The following VKORC1L1 variants were observed in gnomAD, a reference collection of about 807,000 sequenced individuals.
VKORC1L1 encodes vitamin K epoxide reductase complex subunit 1-like protein 1.
VKORC1L1 carries 2 observed loss-of-function variants against 18.9 expected under a neutral mutation model. The observed-to-expected ratio is 0.11, with a 90% CI of 0.04 to 0.33. The LOEUF (loss-of-function observed/expected upper bound fraction) is 0.33. Ranked by LOEUF, VKORC1L1 falls within the 10% of genes least tolerant of loss-of-function variation. VKORC1L1 has a pLI of 1.00. For missense variants in VKORC1L1, 123 were observed against 224.1 expected (o/e 0.55, Z 2.88); for synonymous variants, 96 against 100.0 (o/e 0.96, Z 0.24).
chr7:65,871,817 C>A (rs1426176981), upstream of VKORC1L1, among the ~76,000 whole-genome samples: 1 of 151,896 alleles, frequency 6.6e-6, no homozygotes, highest in Non-Finnish European at 1.5e-5. Context: ...TCATGAGAGC[C>A]TGAGCCAGAG....
intron 1 of VKORC1L1, among the ~76,000 whole-genome samples, chr7:65,894,009 C>T (rs773959914): frequency 6.6e-6 from 1 of 151,650 alleles, no homozygotes; most frequent in Non-Finnish European, 1.5e-5. Flanking sequence ...GGCTGGAGTG[C>T]AATGGTGCGA....
chr7:65,878,449 C>G (rs1320543144), intron 1 of VKORC1L1, among the ~76,000 whole-genome samples: 1 of 137,830 alleles, frequency 7.3e-6, no homozygotes, highest in Non-Finnish European at 1.6e-5. Context: ...CTCTGTCTTA[C>G]AAAAAAAAAA....
chr7:65,875,037 T>C (rs1788802711), intron 1 of VKORC1L1, among the ~76,000 whole-genome samples: 1 of 152,162 alleles, frequency 6.6e-6, no homozygotes, highest in African/African-American at 2.4e-5. Flanking sequence ...TGACTGAAAG[T>C]GATGTTTCAT....
At chr7:65,905,952 C>T (rs541766623) in intron 1 of VKORC1L1, among the ~76,000 whole-genome samples, 5 of 152,200 alleles carry the variant, frequency 3.3e-5, no homozygotes, top group South Asian at 4.1e-4. Context: ...AAACATAAAA[C>T]GTATACATTT....
At position 65,890,791 on chromosome 7, in the gene VKORC1L1, T is replaced by C. The variant is rs10235498; in HGVS notation, c.194+17226T>C. ...CAGTCTGTTAAATTATATTAACCAT[T>C]CTGGTAGGTACATAATGGGTTTTTG... On this transcript the variant is annotated intron_variant, in intron 1 of 2. Transcript: ENST00000360768. Among the ~76,000 whole-genome samples, 168 of 152,352 alleles carry C rather than the reference T, an allele frequency of 1.1e-3. 2 individuals are homozygous for C. Among genetic ancestry groups the C allele is most frequent in the African/African-American group, 3.8e-3 (156 of 41,584 alleles).
intron 1 of VKORC1L1, among the ~76,000 whole-genome samples, chr7:65,927,885 T>G (rs1485136132): frequency 6.6e-6 from 1 of 151,796 alleles, no homozygotes; most frequent in Non-Finnish European, 1.5e-5. Flanking sequence ...TTTGGTGGGG[T>G]GGGGAGAGGG....
intron 1 of VKORC1L1, among the ~76,000 whole-genome samples, chr7:65,918,318 G>GTGT (rs1283286904): frequency 4.6e-5 from 7 of 152,188 alleles, no homozygotes; most frequent in African/African-American, 1.4e-4. Flanking sequence ...CCCTTGGAGG[G>GTGT]TTTCACATAA....
chr7:65,951,549 C>G (rs35268390), intron 2 of VKORC1L1, among the ~76,000 whole-genome samples: 19,189 of 151,076 alleles, frequency 0.13, 1,360 homozygotes, highest in Middle Eastern at 0.21. Context: ...ACTCCAGCCT[C>G]GGTGACAGAG....
intron 1 of VKORC1L1, among the ~76,000 whole-genome samples, chr7:65,910,507 G>T (rs1217825895): frequency 6.6e-6 from 1 of 152,140 alleles, no homozygotes; most frequent in African/African-American, 2.4e-5. Flanking sequence ...GACCAGTTTT[G>T]TTGCCAACAT....
At chr7:65,948,364 A>G (rs1017797529) in intron 1 of VKORC1L1, among the ~76,000 whole-genome samples, 1 of 145,210 alleles carries the variant, frequency 6.9e-6, no homozygotes, top group Non-Finnish European at 1.5e-5. Flanking sequence ...TGCAAATACT[A>G]ATGCCATTGG....
At chr7:65,941,494 A>G (rs1790032139) in intron 1 of VKORC1L1, among the ~76,000 whole-genome samples, 1 of 151,860 alleles carries the variant, frequency 6.6e-6, no homozygotes, top group South Asian at 2.1e-4. Context: ...ACATTATTCA[A>G]TGTATTTTTG....
At chr7:65,953,591 C>T (rs1337291990) in intron 2 of VKORC1L1, among the ~76,000 whole-genome samples, 1 of 152,184 alleles carries the variant, frequency 6.6e-6, no homozygotes, top group Non-Finnish European at 1.5e-5. Context: ...TCAAAAACAT[C>T]ACAGCTATAA....
At chr7:65,942,881 A>G (rs1392994929) in intron 1 of VKORC1L1, among the ~76,000 whole-genome samples, 1 of 152,092 alleles carries the variant, frequency 6.6e-6, no homozygotes, top group Non-Finnish European at 1.5e-5. Flanking sequence ...TCATTCTTCT[A>G]TTTACTGATC....
intron 1 of VKORC1L1, among the ~76,000 whole-genome samples, chr7:65,924,303 A>C (rs1789725194): frequency 6.6e-6 from 1 of 152,198 alleles, no homozygotes; most frequent in Non-Finnish European, 1.5e-5. Context: ...TGAGGCCTTT[A>C]GTGGCCAATC....
intron 1 of VKORC1L1, among the ~76,000 whole-genome samples, chr7:65,941,039 T>C (rs927799547): frequency 6.6e-6 from 1 of 152,192 alleles, no homozygotes; most frequent in African/African-American, 2.4e-5. Flanking sequence ...TTGGGATAGT[T>C]AGTGCTTTTA....
upstream of VKORC1L1, among the ~76,000 whole-genome samples, chr7:65,871,651 G>A (rs1006482723): frequency 2.0e-5 from 3 of 152,150 alleles, no homozygotes; most frequent in Non-Finnish European, 2.9e-5. Context: ...TAAGCCTGCC[G>A]CTTCTTACCA....
intron 1 of VKORC1L1, among the ~76,000 whole-genome samples, chr7:65,879,548 G>A (rs1323992808): frequency 2.6e-5 from 4 of 152,182 alleles, no homozygotes; most frequent in Non-Finnish European, 4.4e-5. Context: ...AGAAAACTGA[G>A]CAACGCAGAC....
intron 1 of VKORC1L1, among the ~76,000 whole-genome samples, chr7:65,893,789 A>T (rs1164641998): frequency 6.6e-6 from 1 of 152,216 alleles, no homozygotes; most frequent in Non-Finnish European, 1.5e-5. Flanking sequence ...TTTGAGAATC[A>T]CTCGTCTAGT....
intron 1 of VKORC1L1, among the ~76,000 whole-genome samples, chr7:65,899,552 C>T (rs1315592413): frequency 1.3e-5 from 2 of 152,098 alleles, no homozygotes; most frequent in Non-Finnish European, 2.9e-5. Flanking sequence ...TGAAATGACT[C>T]TGAAGCTTAT....
Sources: allele counts gnomAD v4.1 joint callset (sites outside exome capture counted in the v4.1 genomes callset), GRCh38; gene constraint gnomAD v4.1.1; transcripts MANE v1.5; gene names NCBI Gene and HGNC (gene_info 2026-07-23, HGNC 2026-07-21).